Variants in SHCBP1L observed in about 807,000 individuals in gnomAD.
SHCBP1L encodes testicular spindle-associated protein SHCBP1L.
SHCBP1L carries 67 observed loss-of-function variants against 62.5 expected under a neutral mutation model. The ratio of observed to expected loss-of-function variants is 1.07; its 90% confidence interval spans 0.88 to 1.31. SHCBP1L has a LOEUF of 1.31. Among genes scored for constraint, SHCBP1L ranks in the 40% most tolerant of loss-of-function variants. The pLI, the probability that SHCBP1L is intolerant of heterozygous loss-of-function variation, is 0.00. For missense variants in SHCBP1L, 823 were observed against 809.8 expected, an observed-to-expected ratio of 1.02 and a Z score of -0.20; for synonymous variants, 284 against 289.4, an observed-to-expected ratio of 0.98 and a Z score of 0.19.
At chr1:182,927,323 T>C (rs114706489) in intron 6 of SHCBP1L, among the ~76,000 whole-genome samples, 3,447 of 151,528 alleles carry the variant, frequency 0.023, 134 homozygotes, top group African/African-American at 0.08. Flanking sequence ...AAGGGGTGGG[T>C]ATAGAGCAAG....
At chr1:182,913,008 G>A (rs535318594) in intron 6 of SHCBP1L, among the ~76,000 whole-genome samples, 76 of 151,730 alleles carry the variant, frequency 5.0e-4, no homozygotes, top group Non-Finnish European at 6.5e-4. Context: ...GGTGGTGTGC[G>A]CCTGTAATCC....
At chr1:182,946,697 C>G (rs1651579024) in intron 2 of SHCBP1L, among the ~76,000 whole-genome samples, 3 of 152,146 alleles carry the variant, frequency 2.0e-5, no homozygotes, top group Non-Finnish European at 4.4e-5. Context: ...TCTCTTTCTT[C>G]TCTCCTTCTG....
At chr1:182,902,744 C>A (rs1649883596) in intron 9 of SHCBP1L, among the ~76,000 whole-genome samples, 1 of 152,072 alleles carries the variant, frequency 6.6e-6, no homozygotes, top group Admixed American at 6.5e-5. Flanking sequence ...ATTTGAAATA[C>A]CAAAATGTAT....
At position 182,936,082 on chromosome 1, in the gene SHCBP1L, C is replaced by T. The variant is rs1053860331; in HGVS notation, c.1076+3094G>A. Among the ~76,000 whole-genome samples, 7 of 150,792 alleles carry T rather than the reference C, an allele frequency of 4.6e-5. No homozygotes were observed. In the East Asian group the frequency reaches 1.4e-3, roughly 29 times the overall value. ...GCACTTGTCCTTTGTTTCCTTTTTC[C>T]CTTTCTTTTCTGCCTCTTCTAGTGT... On this transcript the variant is annotated intron_variant, in intron 5 of 9. Coordinates refer to ENST00000367547, the MANE Select transcript of SHCBP1L (RefSeq NM_030933.4).
rs1557996882 is a variant in SHCBP1L, at chr1:182,924,788, GA to G, written c.1182+4858del. On this transcript the variant is annotated intron_variant, in intron 6 of 9. Coordinates refer to ENST00000367547, the MANE Select transcript of SHCBP1L (RefSeq NM_030933.4). ...AGAAAGAAAGAAAGAAAGAAAGAAA[GA>G]GAGAAAGAAAGGAAGGAAGGAAGGA... Among the ~76,000 whole-genome samples, 14 of 93,036 alleles carry G rather than the reference GA, an allele frequency of 1.5e-4. No homozygotes were observed. In the East Asian group the frequency reaches 2.3e-3, roughly 15 times the overall value. 61.0% of individuals were successfully genotyped at this position (93,036 alleles called of 152,430 possible).
chr1:182,904,453 C>T, intron 7 of SHCBP1L, 23 bp from the exon 8 acceptor site: 4 of 1,610,452 alleles, frequency 2.5e-6, no homozygotes, highest in Non-Finnish European at 3.4e-6. Flanking sequence ...GATAAAAATA[C>T]ATTAAATCAG....
At chr1:182,937,048 T>C (rs1651203063) in intron 5 of SHCBP1L, among the ~76,000 whole-genome samples, 1 of 151,922 alleles carries the variant, frequency 6.6e-6, no homozygotes, top group African/African-American at 2.4e-5. Flanking sequence ...GGCAAGACCC[T>C]GTCTCAGAAA....
At chr1:182,908,766 T>C (rs1248176309) in intron 6 of SHCBP1L, among the ~76,000 whole-genome samples, 2 of 152,218 alleles carry the variant, frequency 1.3e-5, no homozygotes, top group Non-Finnish European at 2.9e-5. Flanking sequence ...TCAAAAGGTA[T>C]AAACATTTTA....
At chr1:182,948,742 G>A (rs975903418) in intron 2 of SHCBP1L, among the ~76,000 whole-genome samples, 4 of 152,062 alleles carry the variant, frequency 2.6e-5, no homozygotes, top group African/African-American at 7.2e-5. Context: ...AAGCGATCAG[G>A]GGCCCATAGG....
chr1:182,906,759 A>G (rs1231671632), intron 6 of SHCBP1L, among the ~76,000 whole-genome samples: 1 of 152,170 alleles, frequency 6.6e-6, no homozygotes, highest in African/African-American at 2.4e-5. Context: ...ATTCTAAAAT[A>G]TGCATTGGGA....
chr1:182,938,486 G>C (rs534689664), intron 5 of SHCBP1L, among the ~76,000 whole-genome samples: 1 of 151,696 alleles, frequency 6.6e-6, no homozygotes, highest in African/African-American at 2.4e-5. Flanking sequence ...AAAGAGACAG[G>C]GTCTCGCTCT....
chr1:182,915,140 C>A (rs1281010660), intron 6 of SHCBP1L, among the ~76,000 whole-genome samples: 1 of 105,908 alleles, frequency 9.4e-6, no homozygotes, highest in African/African-American at 3.7e-5. Context: ...CCATTCTGGG[C>A]AACAGAGGCA....
intron 6 of SHCBP1L, among the ~76,000 whole-genome samples, chr1:182,921,312 T>G (rs1361766636): frequency 2.0e-5 from 3 of 151,982 alleles, no homozygotes; most frequent in African/African-American, 7.2e-5. Flanking sequence ...GCTAAGAAAA[T>G]TCATTACCAC....
intron 8 of SHCBP1L, 123 bp downstream of exon 8, chr1:182,904,057 A>T: frequency 8.3e-7 from 1 of 1,202,772 alleles, no homozygotes; most frequent in Non-Finnish European, 1.1e-6. Flanking sequence ...TCTACCAGTT[A>T]CTAAGTTTAA....
intron 7 of SHCBP1L, among the ~76,000 whole-genome samples, chr1:182,905,001 C>A (rs1323841139): frequency 4.6e-5 from 7 of 152,154 alleles, no homozygotes; most frequent in African/African-American, 7.2e-5. Flanking sequence ...CCTGCCTCAG[C>A]CTTCCAAAGT....
intron 6 of SHCBP1L, 21 bp downstream of exon 6, chr1:182,929,626 T>C (rs767154571): frequency 1.0e-5 from 15 of 1,462,728 alleles, no homozygotes; most frequent in South Asian, 8.9e-5. Flanking sequence ...AAATAACAAA[T>C]AAGAATAGTT....
chr1:182,907,526 T>C (rs1455347995), intron 6 of SHCBP1L, among the ~76,000 whole-genome samples: 2 of 151,180 alleles, frequency 1.3e-5, no homozygotes, highest in Admixed American at 6.6e-5. Flanking sequence ...TTGATCCCAA[T>C]GAGAATGGCA....
At chr1:182,933,772 T>A (rs1651084253) in intron 5 of SHCBP1L, among the ~76,000 whole-genome samples, 1 of 152,168 alleles carries the variant, frequency 6.6e-6, no homozygotes, top group Admixed American at 6.5e-5. Context: ...TCTATATTCA[T>A]TAGTGATATT....
At chr1:182,925,158 G>C (rs1275070427) in intron 6 of SHCBP1L, among the ~76,000 whole-genome samples, 1 of 152,052 alleles carries the variant, frequency 6.6e-6, no homozygotes, top group East Asian at 1.9e-4. Flanking sequence ...TAGTGAATAA[G>C]GTTAACAGCA....
Sources: gnomAD v4.1 joint callset for allele counts (sites outside exome capture counted in the v4.1 genomes callset) on GRCh38, gnomAD v4.1.1 for gene constraint, MANE v1.5 for transcripts, NCBI Gene and HGNC (gene_info 2026-07-23, HGNC 2026-07-21) for gene names.